The following FAM135B variants were observed in gnomAD, a reference collection of about 807,000 sequenced individuals.
The protein encoded by FAM135B is protein FAM135B.
In FAM135B, 43 loss-of-function variants were observed where a neutral mutation model predicts 127.7. The observed-to-expected ratio is 0.34, with a 90% confidence interval of 0.26 to 0.43. The LOEUF (loss-of-function observed/expected upper bound fraction) is 0.43, where lower values mean the gene tolerates loss of function less well. Ranked by LOEUF, FAM135B falls within the 20% of genes least tolerant of loss-of-function variation. The pLI, the probability that FAM135B is intolerant of heterozygous loss-of-function variation, is 1.00. For synonymous variants in FAM135B, 670 were observed against 665.1 expected (o/e 1.01, Z -0.11); for missense variants, 1,558 against 1,725.6 (o/e 0.90, Z 1.72).
In FAM135B at chr8:138,267,874, C is replaced by T. The variant is rs551088358; in HGVS notation, c.158-2032G>A. 1.1e-4 allele frequency among the ~76,000 whole-genome samples: 17 copies of T among 152,288 alleles called. No individual in the cohort carries two copies. The South Asian group carries it at 1.7e-3, about 15-fold the overall frequency. On this transcript the variant is annotated intron_variant, in intron 3 of 19. Transcript: ENST00000395297. ...TAGACCTGCTGTATTCAAATTGATG[C>T]GGCTATTAAATAAAAATGATTCATG... is the stretch of plus-strand genomic sequence containing the variant.
chr8:138,418,885 A>T (rs1453716059), intron 1 of FAM135B, among the ~76,000 whole-genome samples: 1 of 117,412 alleles, frequency 8.5e-6, no homozygotes, highest in African/African-American at 3.7e-5. Context: ...CACCAACCAC[A>T]AAAAAAAAAA....
At chr8:138,330,946 G>A (rs1297366174) in intron 2 of FAM135B, among the ~76,000 whole-genome samples, 2 of 151,850 alleles carry the variant, frequency 1.3e-5, no homozygotes, top group Middle Eastern at 3.4e-3. Flanking sequence ...GGGTTCAAGC[G>A]ATTCTCCTGC....
At chr8:138,282,359 GA>G (rs1246620925) in intron 3 of FAM135B, among the ~76,000 whole-genome samples, 2 of 151,972 alleles carry the variant, frequency 1.3e-5, no homozygotes, top group African/African-American at 4.8e-5. Flanking sequence ...TTTCTGCTCA[GA>G]AAAAAATCAT....
intron 1 of FAM135B, among the ~76,000 whole-genome samples, chr8:138,416,346 CCTCCTAAGGGCATGTGA>C (rs1329266330): frequency 3.9e-5 from 6 of 152,162 alleles, no homozygotes; most frequent in African/African-American, 1.4e-4. Flanking sequence ...AATGTTGTCA[CCTCCTAAGGGCATGTGA>C]CTTACATAAT....
intron 3 of FAM135B, among the ~76,000 whole-genome samples, chr8:138,296,663 G>T (rs1825502350): frequency 6.6e-6 from 1 of 152,122 alleles, no homozygotes; most frequent in African/African-American, 2.4e-5. Context: ...GACAGCATAA[G>T]ATAGAGTATA....
At chr8:138,382,562 A>T (rs1214308803) in intron 1 of FAM135B, among the ~76,000 whole-genome samples, 11 of 152,216 alleles carry the variant, frequency 7.2e-5, no homozygotes, top group Non-Finnish European at 1.0e-4. Flanking sequence ...CCTGTTCTTT[A>T]TTAATCCCTG....
At position 138,448,786 on chromosome 8, in the gene FAM135B, CAGG is replaced by C. The variant is rs112483219; in HGVS notation, c.-20+47882_-20+47884del. Among the ~76,000 whole-genome samples, 1,175 of 145,596 alleles carry C rather than the reference CAGG, an allele frequency of 8.1e-3. 10 individuals are homozygous for C. The highest frequency in any genetic ancestry group is 0.029 in the African/African-American group (1,125 of 39,200). ...TTCTGTTCCTCTGGAAAACCTAACACAGGGGGAAAAAAAAAAAAAGCTAGGAAT... is the reference window on the plus strand; with the variant it reads ...TTCTGTTCCTCTGGAAAACCTAACACGGGAAAAAAAAAAAAAGCTAGGAAT... On this transcript the variant is annotated intron_variant, in intron 1 of 19. Transcript: ENST00000395297.
intron 1 of FAM135B, among the ~76,000 whole-genome samples, chr8:138,412,324 G>T (rs919240848): frequency 4.6e-5 from 7 of 152,220 alleles, no homozygotes; most frequent in African/African-American, 1.4e-4. Flanking sequence ...AGAGACTCAG[G>T]CAGATAATCC....
At position 138,131,333 on chromosome 8, in the gene FAM135B, A is replaced by C. The variant is rs754155; in HGVS notation, c.*1260T>G. 0.81 allele frequency: 123,564 copies of C among 152,154 alleles called. 50,495 individuals carry two copies. The highest frequency in any genetic ancestry group is 1 in the East Asian group (5,144 of 5,154). The allele number at this position is 152,154 out of a possible 1,614,324, so 9.4% of individuals were successfully genotyped here. On this transcript the variant is annotated 3_prime_UTR_variant, in exon 20 of 20. Transcript: ENST00000395297. ...TACAACGAAATGATTCTTTAGGCTT[A>C]CTTTAGCCCATACAACATACTCAGT...
intron 12 of FAM135B, among the ~76,000 whole-genome samples, chr8:138,154,229 A>T (rs1464887144): frequency 6.6e-6 from 1 of 151,650 alleles, no homozygotes; most frequent in Non-Finnish European, 1.5e-5. Context: ...GAGGGTCCTG[A>T]CTGTTAGAAG....
chr8:138,265,393 G>A (rs1055458087), intron 4 of FAM135B, among the ~76,000 whole-genome samples: 3 of 152,126 alleles, frequency 2.0e-5, no homozygotes, highest in Non-Finnish European at 4.4e-5. Context: ...ACCACCTGCT[G>A]CTTGACTCAT....
At chr8:138,238,480 T>C (rs889081558) in intron 7 of FAM135B, among the ~76,000 whole-genome samples, 1 of 152,058 alleles carries the variant, frequency 6.6e-6, no homozygotes, top group Non-Finnish European at 1.5e-5. Flanking sequence ...TCAAAGGTGC[T>C]GTAGGAAAGA....
intron 9 of FAM135B, among the ~76,000 whole-genome samples, chr8:138,187,048 T>C (rs927216752): frequency 3.9e-5 from 6 of 152,196 alleles, no homozygotes; most frequent in Non-Finnish European, 5.9e-5. Context: ...TGGTGAACCA[T>C]GGGCAGGGAG....
chr8:138,232,392 T>C (rs1036565356), intron 7 of FAM135B, among the ~76,000 whole-genome samples: 2 of 152,188 alleles, frequency 1.3e-5, no homozygotes, highest in Admixed American at 6.5e-5. Flanking sequence ...AGTAATAAAC[T>C]AGGGTGGTCT....
intron 9 of FAM135B, among the ~76,000 whole-genome samples, chr8:138,190,042 C>G (rs1290730370): frequency 6.6e-6 from 1 of 152,190 alleles, no homozygotes; most frequent in Non-Finnish European, 1.5e-5. Context: ...GTCTCTGACT[C>G]TTTGCAGACA....
intron 11 of FAM135B, among the ~76,000 whole-genome samples, chr8:138,174,344 A>G (rs1586683565): frequency 6.6e-6 from 1 of 152,122 alleles, no homozygotes; most frequent in African/African-American, 2.4e-5. Context: ...TGTAAGCCGC[A>G]TGACCTCCCC....
chr8:138,311,796 T>C (rs1826703472), intron 2 of FAM135B, among the ~76,000 whole-genome samples: 1 of 152,132 alleles, frequency 6.6e-6, no homozygotes, highest in Non-Finnish European at 1.5e-5. Context: ...TGGCAGTCTC[T>C]TGCTTGTTTT....
intron 2 of FAM135B, among the ~76,000 whole-genome samples, chr8:138,357,808 C>A (rs78489700): frequency 0.046 from 6,994 of 152,170 alleles, 293 homozygotes; most frequent in East Asian, 0.17. Flanking sequence ...AGTGTCCCTA[C>A]AGCTATCATT....
In FAM135B at chr8:138,353,649, C is replaced by T. The variant is rs188683872; in HGVS notation, c.77+14258G>A. 9.1e-4 allele frequency among the ~76,000 whole-genome samples: 138 copies of T among 152,272 alleles called. 1 individual carries two copies. Among genetic ancestry groups the T allele is most frequent in the African/African-American group, 3.2e-3 (134 of 41,544 alleles). Reference sequence around the variant, plus strand: ...AGACAAACAGCTATGAATCCAAACCCTGTCATAGGGTGGCCAAGTGACCTT... The same window carrying T: ...AGACAAACAGCTATGAATCCAAACCTTGTCATAGGGTGGCCAAGTGACCTT... On this transcript the variant is annotated intron_variant, in intron 2 of 19. Coordinates refer to ENST00000395297, the MANE Select transcript of FAM135B (RefSeq NM_015912.4).
Sources: allele counts gnomAD v4.1 joint callset (sites outside exome capture counted in the v4.1 genomes callset), GRCh38; gene constraint gnomAD v4.1.1; transcripts MANE v1.5; gene names NCBI Gene and HGNC (gene_info 2026-07-23, HGNC 2026-07-21).